Variants in USP32 observed in about 807,000 individuals in gnomAD.
USP32 encodes the protein ubiquitin carboxyl-terminal hydrolase 32.
Under a neutral mutation model 204.8 loss-of-function variants are expected in USP32, and 59 were observed. The observed-to-expected ratio is 0.29, with a 90% CI of 0.23 to 0.36. USP32 has a LOEUF of 0.36. Ranked by LOEUF, USP32 falls within the 10% of genes least tolerant of loss-of-function variation. The pLI is 1.00. For synonymous variants in USP32, 517 were observed against 678.4 expected, an observed-to-expected ratio of 0.76 and a Z score of 3.70; for missense variants, 1,160 against 1,946.4, an observed-to-expected ratio of 0.60 and a Z score of 7.60.
chr17:60,307,631 A>T (rs1219385246), intron 2 of USP32, among the ~76,000 whole-genome samples: 4 of 152,080 alleles, frequency 2.6e-5, no homozygotes, highest in Non-Finnish European at 5.9e-5. Flanking sequence ...TAACCACAAC[A>T]GCATGGTACT....
At chr17:60,210,473 G>A (rs1030244306) in intron 21 of USP32, among the ~76,000 whole-genome samples, 1 of 151,986 alleles carries the variant, frequency 6.6e-6, no homozygotes, top group African/African-American at 2.4e-5. Flanking sequence ...CACTATGCCC[G>A]GCTAATTTTT....
At chr17:60,218,798 T>C (rs1413707005) in intron 16 of USP32, among the ~76,000 whole-genome samples, 2 of 152,194 alleles carry the variant, frequency 1.3e-5, no homozygotes, top group Non-Finnish European at 2.9e-5. Context: ...AGGGTTCGTG[T>C]TGGCCAGGCT....
At chr17:60,419,821 ATTATTAT>A (rs2090093583) in intron 1 of USP32, among the ~76,000 whole-genome samples, 1 of 7,484 alleles carries the variant, frequency 1.3e-4, no homozygotes, top group Non-Finnish European at 2.3e-4. Context: ...AAAAAAAATT[ATTATTAT>A]TATTATTATT....
intron 1 of USP32, among the ~76,000 whole-genome samples, chr17:60,383,235 C>CAA (rs11300967): frequency 3.5e-4 from 26 of 74,030 alleles, no homozygotes; most frequent in Non-Finnish European, 3.2e-4. Context: ...GACATCGTCC[C>CAA]AAAAAAAAAA....
At chr17:60,409,605 A>G (rs1380034541) in intron 1 of USP32, among the ~76,000 whole-genome samples, 1 of 152,230 alleles carries the variant, frequency 6.6e-6, no homozygotes, top group East Asian at 1.9e-4. Context: ...TAAATCTGAC[A>G]TAGAAAAAGT....
At chr17:60,248,310 T>G (rs759034694) in intron 11 of USP32, among the ~76,000 whole-genome samples, 3 of 152,236 alleles carry the variant, frequency 2.0e-5, no homozygotes, top group Non-Finnish European at 2.9e-5. Flanking sequence ...TCCTTTGTCT[T>G]TAGTTTTCAA....
Position 60,248,749 on chromosome 17 carries a change from G to A in USP32, c.1136+3632C>T, listed in dbSNP as rs960856236. Reference sequence around the variant, plus strand: ...TAAATACAGCTTCGTTTAGCTCTTTGAAAACATTTACAATAGTTGTATTGA... The same window carrying A: ...TAAATACAGCTTCGTTTAGCTCTTTAAAAACATTTACAATAGTTGTATTGA... On this transcript the variant is annotated intron_variant, in intron 11 of 33. Coordinates refer to ENST00000300896, the MANE Select transcript of USP32 (RefSeq NM_032582.4). Among the ~76,000 whole-genome samples, 3 of 152,098 alleles carry A rather than the reference G, an allele frequency of 2.0e-5. No homozygotes were observed. In the South Asian group the frequency reaches 6.2e-4, roughly 32 times the overall value.
At chr17:60,344,394 C>T (rs1598268724) in intron 2 of USP32, among the ~76,000 whole-genome samples, 1 of 151,984 alleles carries the variant, frequency 6.6e-6, no homozygotes, top group South Asian at 2.1e-4. Context: ...TCCCAAAGTG[C>T]GGGGATTACA....
At chr17:60,372,067 G>A (rs2089452251) in intron 1 of USP32, among the ~76,000 whole-genome samples, 1 of 152,150 alleles carries the variant, frequency 6.6e-6, no homozygotes. Context: ...AGGGGAAGGG[G>A]AAGTGGCTAA....
chr17:60,202,800 C>G (rs2084710998), intron 26 of USP32, among the ~76,000 whole-genome samples: 1 of 147,724 alleles, frequency 6.8e-6, no homozygotes, highest in East Asian at 1.9e-4. Flanking sequence ...CCCCTGGAAC[C>G]AGTAAATGTG....
intron 1 of USP32, among the ~76,000 whole-genome samples, chr17:60,415,979 A>G (rs1042987114): frequency 7.9e-5 from 12 of 152,030 alleles, no homozygotes; most frequent in African/African-American, 2.2e-4. Flanking sequence ...AGCTATGACT[A>G]CAGGCACGTG....
chr17:60,319,035 G>C (rs537099496), intron 2 of USP32, among the ~76,000 whole-genome samples: 1 of 152,294 alleles, frequency 6.6e-6, no homozygotes, highest in South Asian at 2.1e-4. Flanking sequence ...AAAGTAATTT[G>C]AATCGGCAAA....
chr17:60,300,369 C>T lies in USP32; in HGVS notation c.292+1230G>A, dbSNP rs533764625. Reference sequence around the variant, plus strand: ...TAAAAGTAAATAAATCTATATCCCACGAAACAGACGGACACTAAGCAACTA... The same window carrying T: ...TAAAAGTAAATAAATCTATATCCCATGAAACAGACGGACACTAAGCAACTA... On this transcript the variant is annotated intron_variant, in intron 3 of 33. Transcript: ENST00000300896. Among the ~76,000 whole-genome samples the T allele has an allele frequency of 9.1e-4, 136 of 150,156 alleles. 3 individuals carry two copies. The highest frequency in any genetic ancestry group is 3.7e-4 in the Non-Finnish European group (25 of 67,982).
intron 16 of USP32, among the ~76,000 whole-genome samples, chr17:60,217,912 A>AT (rs1013673558): frequency 2.0e-5 from 3 of 150,902 alleles, no homozygotes; most frequent in Admixed American, 1.3e-4. Flanking sequence ...AATTTAAACA[A>AT]TTTTTTGTAG....
intron 1 of USP32, among the ~76,000 whole-genome samples, chr17:60,356,591 C>T (rs1485474973): frequency 1.3e-5 from 2 of 152,002 alleles, no homozygotes; most frequent in East Asian, 3.9e-4. Context: ...TAAGCACACA[C>T]AAAAAAGAAT....
At chr17:60,222,806 C>T (rs190585486) in intron 14 of USP32, among the ~76,000 whole-genome samples, 7 of 151,368 alleles carry the variant, frequency 4.6e-5, no homozygotes, top group Non-Finnish European at 1.0e-4. Context: ...CTCAGCCTCC[C>T]GAGTATCTGG....
intron 2 of USP32, among the ~76,000 whole-genome samples, chr17:60,319,549 G>A (rs1263397581): frequency 3.9e-5 from 6 of 152,130 alleles, no homozygotes; most frequent in African/African-American, 9.7e-5. Context: ...AGGCTGAGGC[G>A]GGCAGATTGC....
intron 12 of USP32, among the ~76,000 whole-genome samples, chr17:60,234,274 C>T (rs956238770): frequency 3.4e-4 from 52 of 151,470 alleles, no homozygotes; most frequent in African/African-American, 1.1e-3. Context: ...CCACCATGCC[C>T]GGCTAATTTG....
chr17:60,297,841 G>C (rs2087474618), intron 3 of USP32, among the ~76,000 whole-genome samples: 1 of 152,152 alleles, frequency 6.6e-6, no homozygotes, highest in Non-Finnish European at 1.5e-5. Context: ...ATTGAAAACA[G>C]TTGCAGCTCA....
Sources: allele counts gnomAD v4.1 joint callset (sites outside exome capture counted in the v4.1 genomes callset), GRCh38; gene constraint gnomAD v4.1.1; transcripts MANE v1.5; gene names NCBI Gene and HGNC (gene_info 2026-07-23, HGNC 2026-07-21).